Variants in MNS1 observed in about 807,000 individuals in gnomAD.
MNS1 encodes meiosis-specific nuclear structural protein 1.
MNS1 carries 63 observed loss-of-function variants against 72.0 expected under a neutral mutation model. The ratio of observed to expected loss-of-function variants is 0.87; its 90% confidence interval spans 0.71 to 1.08. The LOEUF (loss-of-function observed/expected upper bound fraction) is 1.08, where lower values mean the gene tolerates loss of function less well. MNS1 is among the 50% of genes least tolerant of loss of function. MNS1 has a pLI of 0.00. For synonymous variants in MNS1, 188 were observed against 172.1 expected, an observed-to-expected ratio of 1.09 and a Z score of -0.72; for missense variants, 604 against 562.4, an observed-to-expected ratio of 1.07 and a Z score of -0.75.
intron 7 of MNS1, among the ~76,000 whole-genome samples, chr15:56,436,794 A>G (rs2050733781): frequency 6.6e-6 from 1 of 152,192 alleles, no homozygotes; most frequent in South Asian, 2.1e-4. Flanking sequence ...GATCCAACGG[A>G]AATACTACCA....
Position 56,444,599 on chromosome 15 carries a change from T to G in MNS1, c.531A>C (p.Glu177Asp), listed in dbSNP as rs2050876356. 2.5e-6 allele frequency: 4 copies of G among 1,613,350 alleles called. No individual in the cohort carries two copies. The highest frequency in any genetic ancestry group is 2.5e-6 in the Non-Finnish European group (3 of 1,179,644). ...KRIIKEENAA[E>D]DKRNKAKAQY... is the part of the protein sequence containing the mutation. ...GTGCTTTCGCTTTGTTTCGTTTGTC[T>G]TCTGCAGCATTCTCTTCCTTTATTA... The change falls in exon 5 of 10, where the codon GAA becomes GAC. Residue 177 changes from glutamate to aspartate, a missense_variant. Glu to Asp is a conservative substitution (Grantham distance 45). Transcript: ENST00000260453.
chr15:56,454,919 CA>C (rs1244512754), intron 3 of MNS1, among the ~76,000 whole-genome samples: 1 of 152,090 alleles, frequency 6.6e-6, no homozygotes, highest in African/African-American at 2.4e-5. Context: ...GTAAAACACA[CA>C]CTAAAGTGCA....
chr15:56,464,269 G>A (rs896245055), intron 1 of MNS1, 22 bp from the exon 2 acceptor site: 13 of 1,487,824 alleles, frequency 8.7e-6, no homozygotes, highest in South Asian at 3.6e-5. Flanking sequence ...GAAAAAAAAA[G>A]ATGCATATTT....
At chr15:56,429,357 G>GACTT in intron 9 of MNS1, 164 bp from the exon 10 acceptor site, 1 of 554,686 alleles carries the variant, frequency 1.8e-6, no homozygotes, top group South Asian at 2.4e-5. Context: ...CAAAAAATAA[G>GACTT]ACTTTACATA....
At chr15:56,438,138 A>G (rs569840856) in intron 7 of MNS1, among the ~76,000 whole-genome samples, 2 of 152,328 alleles carry the variant, frequency 1.3e-5, no homozygotes, top group African/African-American at 4.8e-5. Context: ...ATGGAACCAA[A>G]AAAGGGGCCA....
intron 8 of MNS1, among the ~76,000 whole-genome samples, chr15:56,432,968 G>A (rs1204530408): frequency 1.3e-5 from 2 of 152,078 alleles, no homozygotes; most frequent in African/African-American, 2.4e-5. Flanking sequence ...ACAAAATCTA[G>A]TGAGACAATA....
chr15:56,437,286 C>G (rs1006506924), intron 7 of MNS1, among the ~76,000 whole-genome samples: 2 of 152,188 alleles, frequency 1.3e-5, no homozygotes, highest in Non-Finnish European at 2.9e-5. Context: ...TGGGCTTCAT[C>G]CCTGGAAGGC....
intron 3 of MNS1, among the ~76,000 whole-genome samples, chr15:56,455,674 G>T (rs1308703727): frequency 6.6e-6 from 1 of 152,168 alleles, no homozygotes; most frequent in Non-Finnish European, 1.5e-5. Context: ...GCAGGATCAA[G>T]AAACATTCTA....
rs2050593284 is a variant in MNS1 at position 56,431,447 on chromosome 15, T to TAATA, written c.1317_1320dup (p.Asn441TyrfsTer2). On this transcript the variant is annotated frameshift_variant, in exon 9 of 10. Coordinates refer to ENST00000260453, the MANE Select transcript of MNS1 (RefSeq NM_018365.4). LOFTEE classifies it high-confidence loss of function. ...AGCCTTTCTTCTTCAATAATTGCAT[T>TAATA]AATAAATCCTTGCCGCCTTTGCTGC... 2.5e-6 allele frequency: 4 copies of TAATA among 1,613,738 alleles called. No homozygotes were observed. The highest frequency in any genetic ancestry group is 3.4e-6 in the Non-Finnish European group (4 of 1,179,900).
At chr15:56,444,781 A>C (rs1414339109) in intron 4 of MNS1, 108 bp from the exon 5 acceptor site, 2 of 1,015,872 alleles carry the variant, frequency 2.0e-6, no homozygotes, top group Non-Finnish European at 2.9e-6. Context: ...ACATAAAATA[A>C]ATTTTTTCAT....
chr15:56,456,651 C>T (rs1596267878), intron 2 of MNS1, 130 bp from the exon 3 acceptor site: 1 of 932,892 alleles, frequency 1.1e-6, no homozygotes, highest in South Asian at 1.7e-5. Flanking sequence ...TTTTAAAATA[C>T]AAAATGTTGT....
chr15:56,447,822 G>A (rs183913558), intron 3 of MNS1: 5 of 152,032 alleles, frequency 3.3e-5, no homozygotes, highest in Admixed American at 6.6e-5. Context: ...CTTTATGTTC[G>A]CACTTATCCT....
intron 2 of MNS1, among the ~76,000 whole-genome samples, chr15:56,462,080 C>G (rs2051027443): frequency 6.9e-6 from 1 of 145,464 alleles, no homozygotes; most frequent in African/African-American, 2.6e-5. Flanking sequence ...TCATAGCTCA[C>G]TGCAGCCTTG....
Position 56,448,719 on chromosome 15 carries a change from T to C in MNS1, c.354-1776A>G, listed in dbSNP as rs141610839. ...ATATAAATGCATATGCTTTTTTTGG[T>C]AGAATGATTTGCTAATTCTTATTTT... On this transcript the variant is annotated intron_variant, in intron 3 of 9. Transcript: ENST00000260453. 7.0e-3 allele frequency among the ~76,000 whole-genome samples: 1,065 copies of C among 151,916 alleles called. 4 individuals are homozygous for C. Among genetic ancestry groups the C allele is most frequent in the Non-Finnish European group, 0.012 (830 of 67,954 alleles).
chr15:56,463,982 G>C, intron 2 of MNS1, 44 bp downstream of exon 2: 2 of 1,477,960 alleles, frequency 1.4e-6, no homozygotes, highest in South Asian at 1.2e-5. Context: ...TCGTTTCCAA[G>C]GTGCAAAATG....
chr15:56,441,808 A>G (rs2050818338), intron 7 of MNS1, among the ~76,000 whole-genome samples: 1 of 152,086 alleles, frequency 6.6e-6, no homozygotes, highest in Admixed American at 6.6e-5. Flanking sequence ...AGGTCAGGAG[A>G]TCGAGACCAT....
rs1348401238 is a variant in MNS1 at position 56,465,041 on chromosome 15, C to A, written c.-69G>T. ...CACCTCCCGCCGCAAACGCAGCAGC[C>A]AGCAGCCCCAAGGAGCGCACCTGGC... On this transcript the variant is annotated 5_prime_UTR_variant, in exon 1 of 10. Coordinates refer to ENST00000260453, the MANE Select transcript of MNS1 (RefSeq NM_018365.4). 1 of 1,591,404 alleles carries A rather than the reference C, an allele frequency of 6.3e-7. No homozygotes were observed. The highest frequency in any genetic ancestry group is 8.5e-7 in the Non-Finnish European group (1 of 1,170,974).
chr15:56,449,207 G>A (rs184859530), intron 3 of MNS1, among the ~76,000 whole-genome samples: 120 of 152,176 alleles, frequency 7.9e-4, no homozygotes, highest in Middle Eastern at 3.4e-3. Context: ...ATGACTAAAA[G>A]CTGTCAGAGC....
chr15:56,431,278 A>C, intron 9 of MNS1, 95 bp downstream of exon 9: 1 of 1,440,950 alleles, frequency 6.9e-7, no homozygotes, highest in Non-Finnish European at 9.5e-7. Context: ...CCGAGCAAGA[A>C]GTGAGCAAAA....
Sources: allele counts gnomAD v4.1 joint callset (sites outside exome capture counted in the v4.1 genomes callset), GRCh38; gene constraint gnomAD v4.1.1; transcripts MANE v1.5; gene names NCBI Gene and HGNC (gene_info 2026-07-23, HGNC 2026-07-21).